NAALADL2: variants seen among roughly 807,000 people sequenced by gnomAD.
NAALADL2 encodes the protein N-acetylated alpha-linked acidic dipeptidase like 2.
A neutral mutation model predicts 87.2 loss-of-function variants in NAALADL2; 76 were observed. That is an observed-to-expected ratio of 0.87 (90% CI 0.72 to 1.05). The LOEUF (loss-of-function observed/expected upper bound fraction) is 1.05. Ranked by LOEUF, NAALADL2 falls within the 50% of genes least tolerant of loss-of-function variation. The pLI is 0.00. For synonymous variants in NAALADL2, 354 were observed against 331.0 expected, an observed-to-expected ratio of 1.07 and a Z score of -0.75; for missense variants, 1,089 against 945.8, an observed-to-expected ratio of 1.15 and a Z score of -1.99.
At chr3:175,663,622 G>C (rs1732573447) in intron 11 of NAALADL2, among the ~76,000 whole-genome samples, 1 of 151,490 alleles carries the variant, frequency 6.6e-6, no homozygotes, top group Non-Finnish European at 1.5e-5. Context: ...TCATGAAAAA[G>C]AATAATGCAA....
intron 3 of NAALADL2, among the ~76,000 whole-genome samples, chr3:174,755,403 A>G (rs1711912242): frequency 6.6e-6 from 1 of 152,200 alleles, no homozygotes; most frequent in African/African-American, 2.4e-5. Context: ...GTATGTGGCT[A>G]ATGAATGTCC....
chr3:174,874,068 G>C (rs535187925), intron 1 of NAALADL2, among the ~76,000 whole-genome samples: 1 of 152,036 alleles, frequency 6.6e-6, no homozygotes, highest in South Asian at 2.1e-4. Context: ...CATAATACAA[G>C]CCTCCAGCCC....
At chr3:174,794,653 C>G (rs1717857807) in intron 3 of NAALADL2, among the ~76,000 whole-genome samples, 1 of 152,102 alleles carries the variant, frequency 6.6e-6, no homozygotes, top group African/African-American at 2.4e-5. Context: ...CCATGTGGAG[C>G]ATACTATCTA....
intron 4 of NAALADL2, among the ~76,000 whole-genome samples, chr3:175,287,892 A>G (rs1007639339): frequency 2.0e-5 from 3 of 152,040 alleles, no homozygotes; most frequent in African/African-American, 7.2e-5. Flanking sequence ...AACTTGCTCT[A>G]TTTTCCTAAA....
At chr3:174,601,334 T>C (rs1244707335) in intron 2 of NAALADL2, among the ~76,000 whole-genome samples, 1 of 152,164 alleles carries the variant, frequency 6.6e-6, no homozygotes, top group Non-Finnish European at 1.5e-5. Flanking sequence ...TAAAAGCCAT[T>C]TTAACTGGGG....
intron 5 of NAALADL2, among the ~76,000 whole-genome samples, chr3:175,442,490 C>G (rs1397047920): frequency 2.0e-5 from 3 of 152,090 alleles, no homozygotes; most frequent in Admixed American, 6.5e-5. Flanking sequence ...CTCTATGGCT[C>G]TGAACTAATA....
At chr3:174,874,646 T>C (rs1361842450) in intron 1 of NAALADL2, among the ~76,000 whole-genome samples, 1 of 152,146 alleles carries the variant, frequency 6.6e-6, no homozygotes, top group African/African-American at 2.4e-5. Context: ...AAAAATAACC[T>C]TGACTGGGAG....
chr3:175,793,569 C>T (rs1318104582), intron 13 of NAALADL2, among the ~76,000 whole-genome samples: 2 of 151,950 alleles, frequency 1.3e-5, no homozygotes, highest in Non-Finnish European at 2.9e-5. Flanking sequence ...CCGACCTCGG[C>T]CTCCTGAAGT....
chr3:175,630,639 T>C (rs1472939953), intron 11 of NAALADL2, among the ~76,000 whole-genome samples: 4 of 151,796 alleles, frequency 2.6e-5, no homozygotes, highest in Non-Finnish European at 5.9e-5. Flanking sequence ...ACAAATAGAA[T>C]ATAAATTTTA....
chr3:174,671,186 T>C (rs687161), intron 2 of NAALADL2, among the ~76,000 whole-genome samples: 96,888 of 151,922 alleles, frequency 0.64, 31,629 homozygotes, highest in Admixed American at 0.72. Context: ...TTCCTGATAG[T>C]AATGCAAGAA....
At chr3:175,682,019 C>A (rs560912784) in intron 11 of NAALADL2, among the ~76,000 whole-genome samples, 1 of 152,186 alleles carries the variant, frequency 6.6e-6, no homozygotes, top group African/African-American at 2.4e-5. Context: ...TTTCTAATAA[C>A]TTCATGGTAC....
Position 175,200,847 on chromosome 3 carries a change from C to T in NAALADL2, c.546-33084C>T, listed in dbSNP as rs190711866. 1.1e-4 allele frequency among the ~76,000 whole-genome samples: 17 copies of T among 152,260 alleles called. No homozygotes were observed. In the East Asian group the frequency reaches 1.2e-3, roughly 10 times the overall value. On this transcript the variant is annotated intron_variant, in intron 2 of 13. Transcript: ENST00000454872. ...CTCAAATGCTCCCATGGCCTATAAA[C>T]GGCCAAATTTAAATTCCAGACTATA...
intron 5 of NAALADL2, among the ~76,000 whole-genome samples, chr3:175,372,443 C>A (rs1024555548): frequency 6.6e-6 from 1 of 152,144 alleles, no homozygotes; most frequent in East Asian, 1.9e-4. Context: ...AATGAGAAAT[C>A]GAATGAAGCG....
chr3:175,016,813 A>G (rs1187535859), intron 1 of NAALADL2, among the ~76,000 whole-genome samples: 1 of 151,906 alleles, frequency 6.6e-6, no homozygotes. Context: ...AAATGCACCT[A>G]CTTTCAGGGT....
intron 1 of NAALADL2, among the ~76,000 whole-genome samples, chr3:175,013,174 A>C (rs1750267314): frequency 7.8e-6 from 1 of 127,540 alleles, no homozygotes; most frequent in Admixed American, 8.6e-5. Flanking sequence ...TATGTAATAC[A>C]TATTTATATA....
chr3:175,219,410 T>C (rs528420605), intron 2 of NAALADL2, among the ~76,000 whole-genome samples: 2 of 152,202 alleles, frequency 1.3e-5, no homozygotes, highest in Non-Finnish European at 2.9e-5. Context: ...TTTCTGGAGA[T>C]GTTTATATTA....
At chr3:175,289,824 G>A (rs1021260607) in intron 4 of NAALADL2, among the ~76,000 whole-genome samples, 1 of 151,908 alleles carries the variant, frequency 6.6e-6, no homozygotes, top group African/African-American at 2.4e-5. Flanking sequence ...AAAATAAAAT[G>A]AGAAGCCACA....
chr3:174,581,756 G>C (rs1409121858), intron 2 of NAALADL2, among the ~76,000 whole-genome samples: 2 of 152,084 alleles, frequency 1.3e-5, no homozygotes, highest in African/African-American at 4.8e-5. Context: ...ACTAGTTCTG[G>C]CCAGTGAGTC....
chr3:175,458,577 TATA>T (rs1400261748), intron 6 of NAALADL2, among the ~76,000 whole-genome samples: 23 of 148,084 alleles, frequency 1.6e-4, no homozygotes, highest in African/African-American at 5.1e-4. Context: ...AATTTATAAA[TATA>T]ATAAAAATAA....
Sources: gnomAD v4.1 joint callset for allele counts (sites outside exome capture counted in the v4.1 genomes callset) on GRCh38, gnomAD v4.1.1 for gene constraint, MANE v1.5 for transcripts, NCBI Gene and HGNC (gene_info 2026-07-23, HGNC 2026-07-21) for gene names.